Variants in RB1CC1 observed in about 807,000 individuals in gnomAD.
RB1CC1 encodes RB1 inducible coiled-coil 1, also known as RB1-inducible coiled-coil protein 1.
RB1CC1 carries 46 observed loss-of-function variants against 177.5 expected under a neutral mutation model. The observed-to-expected ratio is 0.26, with a 90% CI of 0.20 to 0.33. RB1CC1 has a LOEUF of 0.33. Among genes scored for constraint, RB1CC1 ranks in the 10% least tolerant of loss-of-function variants. The probability of loss-of-function intolerance (pLI) is 1.00; values close to 1 mark genes in which losing one functional copy is unlikely to be tolerated. For missense variants in RB1CC1, 1,703 were observed against 1,816.3 expected (o/e 0.94, Z 1.13); for synonymous variants, 666 against 613.6 (o/e 1.09, Z -1.26).
At chr8:52,688,123 C>A (rs111811887) in intron 1 of RB1CC1, among the ~76,000 whole-genome samples, 6 of 152,134 alleles carry the variant, frequency 3.9e-5, no homozygotes, top group Non-Finnish European at 8.8e-5. Flanking sequence ...GTTAACTGTA[C>A]AAATTGATTG....
intron 8 of RB1CC1, 39 bp downstream of exon 8, chr8:52,667,982 T>C: frequency 6.3e-7 from 1 of 1,576,358 alleles, no homozygotes; most frequent in African/African-American, 1.4e-5. Flanking sequence ...ACAAAAAAAC[T>C]ATAAATTCCT....
rs1188761280 is a variant in RB1CC1, at chr8:52,684,009, C to T, written c.76G>A (p.Ala26Thr). 1.9e-6 allele frequency: 3 copies of T among 1,609,946 alleles called. No individual in the cohort carries two copies. Among genetic ancestry groups the T allele is most frequent in the Non-Finnish European group, 2.5e-6 (3 of 1,178,998 alleles). ...CTTTGAATGGCATGCTTAAGGTCTG[C>T]CACACTTCAAAAAATGAAATAAAAT... ...FDTELTVQTV[A>T]DLKHAIQSKY... Residue 26 changes from alanine to threonine, a missense_variant, in exon 4 of 24, where the codon GCA (alanine) becomes ACA (threonine). This residue lies in a region of RB1CC1 where 118 missense variants were observed against 121.2 expected (regional missense o/e 0.97). Coordinates refer to ENST00000025008, the MANE Select transcript of RB1CC1 (RefSeq NM_014781.5).
chr8:52,650,261 G>A (rs1312163436), intron 15 of RB1CC1, among the ~76,000 whole-genome samples: 1 of 152,190 alleles, frequency 6.6e-6, no homozygotes, highest in African/African-American at 2.4e-5. Flanking sequence ...TCCTCGGTAG[G>A]TTCTATGTTT....
At chr8:52,635,856 G>A (rs936126722) in intron 19 of RB1CC1, among the ~76,000 whole-genome samples, 159 bp downstream of exon 19, 1 of 152,044 alleles carries the variant, frequency 6.6e-6, no homozygotes, top group African/African-American at 2.4e-5. Context: ...ATCATAAAAT[G>A]ACAAGACTTC....
intron 1 of RB1CC1, among the ~76,000 whole-genome samples, chr8:52,689,633 C>A (rs1854629329): frequency 6.6e-6 from 1 of 152,176 alleles, no homozygotes; most frequent in Non-Finnish European, 1.5e-5. Flanking sequence ...TTCCTTTCCA[C>A]CACAACTTTT....
chr8:52,675,167 A>G (rs1459455002), intron 6 of RB1CC1, among the ~76,000 whole-genome samples: 2 of 152,174 alleles, frequency 1.3e-5, no homozygotes, highest in African/African-American at 2.4e-5. Flanking sequence ...AAACTTTAAA[A>G]AGATCTTTCT....
At chr8:52,633,410 A>G (rs1285769358) in intron 20 of RB1CC1, among the ~76,000 whole-genome samples, 1 of 152,158 alleles carries the variant, frequency 6.6e-6, no homozygotes, top group Non-Finnish European at 1.5e-5. Flanking sequence ...ATTGAGGATA[A>G]ATAAAGCATA....
intron 15 of RB1CC1, among the ~76,000 whole-genome samples, chr8:52,653,665 G>A (rs771435021): frequency 6.6e-6 from 1 of 152,080 alleles, no homozygotes; most frequent in African/African-American, 2.4e-5. Flanking sequence ...ATCGAGACAG[G>A]AACAAGCTGA....
In RB1CC1 at chr8:52,697,961, T is replaced by C. The variant is rs1365683365; in HGVS notation, c.-166-10994A>G. 3.3e-5 allele frequency among the ~76,000 whole-genome samples: 5 copies of C among 152,224 alleles called. No homozygotes were observed. The South Asian group carries it at 6.2e-4, about 19-fold the overall frequency. On this transcript the variant is annotated intron_variant, in intron 1 of 23. Coordinates refer to ENST00000025008, the MANE Select transcript of RB1CC1 (RefSeq NM_014781.5). Reference sequence around the variant, plus strand: ...AAAAATTTGAAATATAGTTAAAGCATACACAAGACACTTTCCTACATTTAT... The same window carrying C: ...AAAAATTTGAAATATAGTTAAAGCACACACAAGACACTTTCCTACATTTAT...
rs35471167 is a variant in RB1CC1 at position 52,680,993 on chromosome 8, TG to T, written c.369+2555del. Among the ~76,000 whole-genome samples, 751 of 97,384 alleles carry T rather than the reference TG, an allele frequency of 7.7e-3. 5 individuals carry two copies. The highest frequency in any genetic ancestry group is 0.032 in the African/African-American group (651 of 20,310). The allele number at this position is 97,384 out of a possible 152,430, so 63.9% of individuals were successfully genotyped here. A position where few individuals can be genotyped will look rare whatever the true frequency, so the allele number is the denominator to read the frequency against. On this transcript the variant is annotated intron_variant, in intron 5 of 23. Coordinates refer to ENST00000025008, the MANE Select transcript of RB1CC1 (RefSeq NM_014781.5). ...TTGTGTGTGTGTGTGTGTGTGTGTG[TG>T]TTTTTTTTTTTTTTTGAGATGAAGT...
chr8:52,676,297 C>A (rs1853123342), intron 6 of RB1CC1, 72 bp downstream of exon 6: 8 of 1,370,206 alleles, frequency 5.8e-6, no homozygotes, highest in African/African-American at 2.9e-5. Context: ...AACAAATTTG[C>A]AGTAATTAAA....
chr8:52,659,391 T>C (rs1851401425), intron 12 of RB1CC1, among the ~76,000 whole-genome samples: 1 of 152,158 alleles, frequency 6.6e-6, no homozygotes, highest in Non-Finnish European at 1.5e-5. Flanking sequence ...TGTAACACTT[T>C]CTTATTTGCT....
intron 3 of RB1CC1, 70 bp from the exon 4 acceptor site, chr8:52,684,083 T>A (rs1293735926): frequency 6.7e-7 from 1 of 1,502,540 alleles, no homozygotes. Context: ...CAAGTAGTAC[T>A]ATGTAAAAAC....
intron 1 of RB1CC1, among the ~76,000 whole-genome samples, chr8:52,696,083 C>T (rs1316682678): frequency 2.6e-5 from 4 of 152,154 alleles, no homozygotes; most frequent in African/African-American, 7.2e-5. Context: ...TTGCTCTTGT[C>T]GCCCAGACTG....
At chr8:52,680,968 TTGTG>T (rs34048284) in intron 5 of RB1CC1, among the ~76,000 whole-genome samples, 49 of 131,052 alleles carry the variant, frequency 3.7e-4, no homozygotes, top group East Asian at 3.3e-3. Context: ...TTGTGGGGTT[TTGTG>T]TGTGTGTGTG....
At chr8:52,652,110 T>G (rs1349819675) in intron 15 of RB1CC1, among the ~76,000 whole-genome samples, 1 of 152,188 alleles carries the variant, frequency 6.6e-6, no homozygotes. Flanking sequence ...TTAAGAGATT[T>G]GCAAATACAT....
chr8:52,634,548 G>A (rs951159565), intron 20 of RB1CC1, among the ~76,000 whole-genome samples: 4 of 151,868 alleles, frequency 2.6e-5, no homozygotes, highest in Admixed American at 2.0e-4. Flanking sequence ...AAGATACAAT[G>A]TATTAAAATT....
intron 20 of RB1CC1, among the ~76,000 whole-genome samples, chr8:52,633,196 G>T (rs538732307): frequency 6.6e-6 from 1 of 152,188 alleles, no homozygotes; most frequent in East Asian, 1.9e-4. Context: ...AGGACCTCCC[G>T]AGGCTGTGTC....
chr8:52,625,709 G>A (rs189001053), intron 22 of RB1CC1, among the ~76,000 whole-genome samples: 9 of 152,240 alleles, frequency 5.9e-5, no homozygotes, highest in Admixed American at 5.9e-4. Flanking sequence ...ATTTTAAAGT[G>A]TTGAATGTCT....
Sources: gnomAD v4.1 joint callset for allele counts (sites outside exome capture counted in the v4.1 genomes callset) on GRCh38, gnomAD v4.1.1 for gene constraint, gnomAD v4.1.1 regional missense constraint, MANE v1.5 for transcripts, NCBI Gene and HGNC (gene_info 2026-07-23, HGNC 2026-07-21) for gene names.